The following ZMAT1 variants were observed in gnomAD, a reference collection of about 807,000 sequenced individuals.
The protein encoded by ZMAT1 is zinc finger matrin-type 1.
A neutral mutation model predicts 18.5 loss-of-function variants in ZMAT1; 11 were observed. The observed-to-expected ratio is 0.59, with a 90% CI of 0.37 to 0.98. The LOEUF (loss-of-function observed/expected upper bound fraction) is 0.98, where lower values mean the gene tolerates loss of function less well. ZMAT1 is among the 50% of genes least tolerant of loss of function. The pLI is 0.01. For synonymous variants in ZMAT1, 211 were observed against 176.4 expected, an observed-to-expected ratio of 1.20 and a Z score of -1.55; for missense variants, 525 against 496.2, an observed-to-expected ratio of 1.06 and a Z score of -0.55.
rs778772423 is a variant in ZMAT1, at chrX:101,887,150, G to A, written c.677-419C>T. On this transcript the variant is annotated intron_variant, in intron 4 of 5. Transcript: ENST00000651725. ...TTTCCACCCAACCAAAACCTGAAAC[G>A]TCCCAAAACATTAAAAACAAATAAA... 36 of 611,737 alleles carry A rather than the reference G, an allele frequency of 5.9e-5. No individual in the cohort carries two copies. The African/African-American group carries it at 6.4e-4, about 11-fold the overall frequency. The allele number at this position is 611,737 out of a possible 1,213,427, so 50.4% of individuals were successfully genotyped here. A position where few individuals can be genotyped will look rare whatever the true frequency, so the allele number is the denominator to read the frequency against.
chrX:101,922,395 CT>C (rs761373435), intron 1 of ZMAT1, among the ~76,000 whole-genome samples: 1,737 of 101,822 alleles, frequency 0.017, 30 homozygotes, highest in African/African-American at 0.05. Context: ...AAGGCTAGGC[CT>C]TTTTTTTTTT....
At chrX:101,920,075 C>G (rs1929622097) in intron 1 of ZMAT1, among the ~76,000 whole-genome samples, 1 of 107,755 alleles carries the variant, frequency 9.3e-6, no homozygotes, top group African/African-American at 3.4e-5. Flanking sequence ...AGGTCCTACC[C>G]TTTACTCGGG....
chrX:101,905,427 T>TA (rs897788736), intron 1 of ZMAT1, among the ~76,000 whole-genome samples: 2 of 112,584 alleles, frequency 1.8e-5, no homozygotes, highest in Non-Finnish European at 3.7e-5. Context: ...ATCCATTTTT[T>TA]ATACAGTATG....
chrX:101,917,513 C>T (rs1034660553), intron 1 of ZMAT1, among the ~76,000 whole-genome samples: 15 of 112,350 alleles, frequency 1.3e-4, no homozygotes, highest in African/African-American at 4.9e-4. Flanking sequence ...GTTAAAATGG[C>T]TTATATCTAA....
chrX:101,919,410 A>C (rs924512910), intron 1 of ZMAT1, among the ~76,000 whole-genome samples: 2 of 112,287 alleles, frequency 1.8e-5, no homozygotes, highest in African/African-American at 6.5e-5. Flanking sequence ...CAGTGAAATC[A>C]AAATAACTTG....
intron 1 of ZMAT1, among the ~76,000 whole-genome samples, chrX:101,926,797 C>T (rs921691253): frequency 8.9e-6 from 1 of 112,145 alleles, no homozygotes; most frequent in African/African-American, 3.2e-5. Flanking sequence ...TTGCACAAAA[C>T]CCCAAATTTC....
At chrX:101,925,003 G>A (rs755220288) in intron 1 of ZMAT1, among the ~76,000 whole-genome samples, 2 of 111,391 alleles carry the variant, frequency 1.8e-5, no homozygotes, top group Non-Finnish European at 1.9e-5. Flanking sequence ...CAAAGTTTAT[G>A]GTGTGCATAT....
chrX:101,883,371 A>T lies in ZMAT1; in HGVS notation c.*139T>A, dbSNP rs1926623608. 7.6e-6 allele frequency: 3 copies of T among 392,630 alleles called. No homozygotes were observed. Among genetic ancestry groups the T allele is most frequent in the African/African-American group, 2.8e-5 (1 of 35,198 alleles). 32.4% of individuals were successfully genotyped at this position (392,630 alleles called of 1,213,427 possible). A position where few individuals can be genotyped will look rare whatever the true frequency, so the allele number is the denominator to read the frequency against. On this transcript the variant is annotated 3_prime_UTR_variant, in exon 6 of 6. Coordinates refer to ENST00000651725, the MANE Select transcript of ZMAT1 (RefSeq NM_001394560.1). ...TTCTTTTAATTCAATTTAAATTTTTATACAAAAAAAACCTAAGTGTCCTGA... is the reference window on the plus strand; with the variant it reads ...TTCTTTTAATTCAATTTAAATTTTTTTACAAAAAAAACCTAAGTGTCCTGA...
intron 5 of ZMAT1, among the ~76,000 whole-genome samples, chrX:101,886,048 A>G (rs765926380): frequency 9.4e-4 from 105 of 111,730 alleles, no homozygotes; most frequent in African/African-American, 3.2e-3. Flanking sequence ...CCAATCTCCA[A>G]CTGTCCATTC....
At chrX:101,912,162 C>T (rs983456894) in intron 1 of ZMAT1, 32 of 677,724 alleles carry the variant, frequency 4.7e-5, no homozygotes, top group Middle Eastern at 7.8e-4. Context: ...ACATGAGAAA[C>T]GTATATTCAT....
At chrX:101,907,864 C>T (rs1000413696) in intron 1 of ZMAT1, among the ~76,000 whole-genome samples, 2 of 109,529 alleles carry the variant, frequency 1.8e-5, no homozygotes, top group South Asian at 7.7e-4. Context: ...GAAAATATAC[C>T]GTAAGAGGAA....
chrX:101,906,167 G>A (rs1167558103), intron 1 of ZMAT1, among the ~76,000 whole-genome samples: 1 of 111,337 alleles, frequency 9.0e-6, no homozygotes, highest in Non-Finnish European at 1.9e-5. Flanking sequence ...CAGTACCAGT[G>A]GACTCAGCCT....
rs1480642539 is a variant in ZMAT1, at chrX:101,931,906, C to T, written c.103G>A (p.Ala35Thr). Reference protein sequence around the residue: ...ASSSSYTACAAAAAAAAAAAV... With the variant: ...ASSSSYTACATAAAAAAAAAV... Reference sequence around the variant, plus strand: ...GCCGCCGCCGCCGCCGCCGCCGCTGCCGCGCAGGCGGTGTAGGAGGAGGAG... The same window carrying T: ...GCCGCCGCCGCCGCCGCCGCCGCTGTCGCGCAGGCGGTGTAGGAGGAGGAG... The change falls in exon 1 of 6, where the codon GCA (alanine) becomes ACA (threonine). Residue 35 changes from alanine to threonine, a missense_variant. Coordinates refer to ENST00000651725, the MANE Select transcript of ZMAT1 (RefSeq NM_001394560.1). The T allele has an allele frequency of 1.3e-6, 1 of 799,676 alleles. No homozygotes were observed. Among genetic ancestry groups the T allele is most frequent in the Non-Finnish European group, 1.5e-6 (1 of 671,422 alleles). 65.9% of individuals were successfully genotyped at this position (799,676 alleles called of 1,213,427 possible). A position where few individuals can be genotyped will look rare whatever the true frequency, so the allele number is the denominator to read the frequency against.
chrX:101,890,666 G>A (rs1308452807), intron 4 of ZMAT1, among the ~76,000 whole-genome samples: 2 of 111,133 alleles, frequency 1.8e-5, no homozygotes, highest in Non-Finnish European at 3.8e-5. Flanking sequence ...CTTGGTAAAA[G>A]TAAGAGAGGT....
At chrX:101,887,063 TG>T in intron 4 of ZMAT1, 1 of 195,191 alleles carries the variant, frequency 5.1e-6, no homozygotes. Context: ...AAATTTAGCA[TG>T]GCCAACCAAC....
At chrX:101,929,666 G>T (rs1210010779) in intron 1 of ZMAT1, among the ~76,000 whole-genome samples, 3 of 109,845 alleles carry the variant, frequency 2.7e-5, no homozygotes, top group Non-Finnish European at 3.8e-5. Context: ...ATTATATTTG[G>T]TTTTTCATAT....
Position 101,884,043 on chromosome X carries a change from C to T in ZMAT1, c.1555G>A (p.Val519Met), listed in dbSNP as rs753565056. 6.6e-6 allele frequency: 8 copies of T among 1,210,206 alleles called. No homozygotes were observed. In the East Asian group the frequency reaches 8.9e-5, roughly 13 times the overall value. The change falls in exon 6 of 6, where the codon GTG becomes ATG. Residue 519 changes from valine to methionine, a missense_variant. Val to Met is a conservative substitution (Grantham distance 21). Coordinates refer to ENST00000651725, the MANE Select transcript of ZMAT1 (RefSeq NM_001394560.1). ...YSGPYSISQV[V>M]ENQLPHCLPA... ...AAGCAATGAGGTAACTGGTTTTCCA[C>T]TACTTGTGAAATACTATATGGTCCT...
intron 1 of ZMAT1, among the ~76,000 whole-genome samples, chrX:101,931,146 T>G (rs1415556748): frequency 3.6e-5 from 4 of 112,164 alleles, no homozygotes; most frequent in Non-Finnish European, 7.5e-5. Flanking sequence ...AAAGCTCAAG[T>G]ATACACTTGT....
chrX:101,913,376 C>T (rs1284787542), intron 1 of ZMAT1, among the ~76,000 whole-genome samples: 1 of 110,916 alleles, frequency 9.0e-6, no homozygotes, highest in Non-Finnish European at 1.9e-5. Flanking sequence ...CTAAACTTCC[C>T]CATCAAAAGA....
Sources: gnomAD v4.1 joint callset for allele counts (sites outside exome capture counted in the v4.1 genomes callset) on GRCh38, gnomAD v4.1.1 for gene constraint, MANE v1.5 for transcripts, NCBI Gene and HGNC (gene_info 2026-07-23, HGNC 2026-07-21) for gene names.